Variants in ADAM12 observed in about 807,000 individuals in gnomAD.
ADAM12 encodes disintegrin and metalloproteinase domain-containing protein 12.
Under a neutral mutation model 106.4 loss-of-function variants are expected in ADAM12, and 70 were observed. That is an observed-to-expected ratio of 0.66 (90% CI 0.54 to 0.80). The LOEUF (loss-of-function observed/expected upper bound fraction) is 0.80, where lower values mean the gene tolerates loss of function less well. Ranked by LOEUF, ADAM12 falls within the 30% of genes least tolerant of loss-of-function variation. ADAM12 has a pLI of 0.00. For synonymous variants in ADAM12, 420 were observed against 433.5 expected, an observed-to-expected ratio of 0.97 and a Z score of 0.39; for missense variants, 1,010 against 1,171.9, an observed-to-expected ratio of 0.86 and a Z score of 2.02.
chr10:126,198,889 C>T (rs1459590553), intron 3 of ADAM12, among the ~76,000 whole-genome samples: 1 of 152,160 alleles, frequency 6.6e-6, no homozygotes, highest in Non-Finnish European at 1.5e-5. Flanking sequence ...AAGAGGAGAA[C>T]ATTTTTCAAG....
chr10:126,017,202 T>C lies in ADAM12; in HGVS notation c.*77A>G. 2 of 1,328,852 alleles carry C rather than the reference T, an allele frequency of 1.5e-6. No homozygotes were observed. Among genetic ancestry groups the C allele is most frequent in the Non-Finnish European group, 2.1e-6 (2 of 966,066 alleles). The allele number at this position is 1,328,852 out of a possible 1,614,324, so 82.3% of individuals were successfully genotyped here. A position where few individuals can be genotyped will look rare whatever the true frequency, so the allele number is the denominator to read the frequency against. Reference sequence around the variant, plus strand: ...AAACATTAAAAAAAATCCTAAAAGTTGGTACAAAAAACTCCAACTGGAGCT... The same window carrying C: ...AAACATTAAAAAAAATCCTAAAAGTCGGTACAAAAAACTCCAACTGGAGCT... On this transcript the variant is annotated 3_prime_UTR_variant, in exon 23 of 23. Transcript: ENST00000448723.
At chr10:126,058,644 G>C (rs1954684535) in intron 14 of ADAM12, among the ~76,000 whole-genome samples, 1 of 152,166 alleles carries the variant, frequency 6.6e-6, no homozygotes, top group African/African-American at 2.4e-5. Flanking sequence ...AGGCTCAAAG[G>C]CACGGAGCCC....
intron 14 of ADAM12, among the ~76,000 whole-genome samples, chr10:126,058,334 C>T (rs1025413521): frequency 9.2e-5 from 14 of 152,216 alleles, no homozygotes; most frequent in African/African-American, 1.4e-4. Context: ...GTGCCCTTCC[C>T]GGAGGAAGTC....
Position 126,094,149 on chromosome 10 carries a change from A to G in ADAM12, c.997-16T>C. 1.2e-6 allele frequency: 2 copies of G among 1,612,650 alleles called. No homozygotes were observed. The highest frequency in any genetic ancestry group is 1.7e-6 in the Non-Finnish European group (2 of 1,179,134). ...CTGAATGGTCCTCAAAGAAAACACA[A>G]AAGTACAGGTGTATAATTCATATCT... is the stretch of plus-strand genomic sequence containing the variant. On this transcript the variant is annotated splice_polypyrimidine_tract_variant and intron_variant, in intron 10 of 22. Transcript: ENST00000448723.
chr10:126,249,465 C>T (rs565644792), intron 3 of ADAM12, among the ~76,000 whole-genome samples: 21 of 152,188 alleles, frequency 1.4e-4, no homozygotes, highest in Non-Finnish European at 2.4e-4. Context: ...TTCGGGAGGC[C>T]GAGGCGGGAG....
intron 3 of ADAM12, among the ~76,000 whole-genome samples, chr10:126,191,701 C>T (rs922299358): frequency 2.6e-5 from 4 of 152,138 alleles, no homozygotes; most frequent in Non-Finnish European, 4.4e-5. Flanking sequence ...TGGACAATAG[C>T]TTAACATAGG....
At chr10:126,098,221 T>G (rs997694670) in intron 10 of ADAM12, among the ~76,000 whole-genome samples, 195 bp downstream of exon 10, 2 of 152,258 alleles carry the variant, frequency 1.3e-5, no homozygotes, top group African/African-American at 2.4e-5. Context: ...CCACCTTTCC[T>G]GTGTGCAATT....
chr10:126,071,467 T>C lies in ADAM12; in HGVS notation c.1323+10A>G, dbSNP rs374336242. The C allele has an allele frequency of 2.5e-6, 4 of 1,612,850 alleles. No homozygotes were observed. Among genetic ancestry groups the C allele is most frequent in the Non-Finnish European group, 3.4e-6 (4 of 1,179,252 alleles). On this transcript the variant is annotated intron_variant, in intron 12 of 22. Coordinates refer to ENST00000448723, the MANE Select transcript of ADAM12 (RefSeq NM_001288973.2). ...TCTTCTTGTATCCTTGTTCTGGGAATGGTTCTTACCTCTGGCTCCCCACAG... is the reference window on the plus strand; with the variant it reads ...TCTTCTTGTATCCTTGTTCTGGGAACGGTTCTTACCTCTGGCTCCCCACAG...
intron 11 of ADAM12, among the ~76,000 whole-genome samples, chr10:126,078,005 G>A (rs935836725): frequency 2.0e-5 from 3 of 152,068 alleles, no homozygotes; most frequent in Non-Finnish European, 4.4e-5. Flanking sequence ...AGAGATAAGG[G>A]AAATTTGCCA....
At chr10:126,360,409 C>T (rs1029584581) in intron 1 of ADAM12, among the ~76,000 whole-genome samples, 3 of 152,190 alleles carry the variant, frequency 2.0e-5, no homozygotes, top group African/African-American at 7.2e-5. Flanking sequence ...ATGCTTTTAA[C>T]AGCACCCAAG....
chr10:126,250,701 T>C (rs922054836), intron 3 of ADAM12, among the ~76,000 whole-genome samples: 1 of 152,210 alleles, frequency 6.6e-6, no homozygotes, highest in African/African-American at 2.4e-5. Context: ...CATGTGTTTA[T>C]TAAGAAATAA....
chr10:126,051,503 GTCCA>G (rs1285114086), intron 14 of ADAM12, among the ~76,000 whole-genome samples: 72 of 56,070 alleles, frequency 1.3e-3, no homozygotes, highest in African/African-American at 4.1e-3. Flanking sequence ...CCATCCACCC[GTCCA>G]TCCATCCATC....
At chr10:126,315,522 A>G (rs577897843) in intron 2 of ADAM12, among the ~76,000 whole-genome samples, 16 of 152,252 alleles carry the variant, frequency 1.1e-4, no homozygotes, top group African/African-American at 2.4e-4. Context: ...CATAAAAATC[A>G]GAATATTAGT....
chr10:126,047,086 G>A (rs144548786), intron 16 of ADAM12, among the ~76,000 whole-genome samples: 2 of 152,242 alleles, frequency 1.3e-5, no homozygotes. Context: ...TACTGGGCTG[G>A]CTGAAAGAAC....
chr10:126,070,421 A>C (rs1954963377), intron 12 of ADAM12: 1 of 152,248 alleles, frequency 6.6e-6, no homozygotes, highest in Non-Finnish European at 1.5e-5. Context: ...CTGTCAGACC[A>C]AGCTCATTCC....
chr10:126,261,491 T>A (rs1959000204), intron 3 of ADAM12, among the ~76,000 whole-genome samples: 1 of 152,186 alleles, frequency 6.6e-6, no homozygotes, highest in Non-Finnish European at 1.5e-5. Flanking sequence ...AGTTCAGTGA[T>A]ACCCTATAGT....
At chr10:126,200,961 A>G (rs1957688255) in intron 3 of ADAM12, among the ~76,000 whole-genome samples, 2 of 152,178 alleles carry the variant, frequency 1.3e-5, no homozygotes, top group African/African-American at 4.8e-5. Context: ...GAAACAGTAG[A>G]CCAGTCTGGG....
intron 2 of ADAM12, among the ~76,000 whole-genome samples, chr10:126,295,871 C>T (rs1175910447): frequency 6.6e-6 from 1 of 150,628 alleles, no homozygotes; most frequent in Non-Finnish European, 1.5e-5. Flanking sequence ...AAAAATGAAC[C>T]ACTGTCATGA....
chr10:126,218,381 A>G (rs1958028601), intron 3 of ADAM12, among the ~76,000 whole-genome samples: 1 of 152,186 alleles, frequency 6.6e-6, no homozygotes, highest in Non-Finnish European at 1.5e-5. Context: ...CATTTTGCAG[A>G]GGGGGAAACC....
Sources: allele counts gnomAD v4.1 joint callset (sites outside exome capture counted in the v4.1 genomes callset), GRCh38; gene constraint gnomAD v4.1.1; transcripts MANE v1.5; gene names NCBI Gene and HGNC (gene_info 2026-07-23, HGNC 2026-07-21).